Variants in RBFOX1 observed in about 807,000 individuals in gnomAD.
RBFOX1 encodes RNA binding protein fox-1 homolog 1.
RBFOX1 carries 8 observed loss-of-function variants against 57.7 expected under a neutral mutation model. The observed-to-expected ratio is 0.14, with a 90% CI of 0.08 to 0.25. The LOEUF (loss-of-function observed/expected upper bound fraction) is 0.25, where lower values mean the gene tolerates loss of function less well. Among genes scored for constraint, RBFOX1 ranks in the 10% least tolerant of loss-of-function variants. The pLI is 1.00. For missense variants in RBFOX1, 611 were observed against 548.5 expected (o/e 1.11, Z -1.14); for synonymous variants, 326 against 222.4 (o/e 1.47, Z -4.15).
At chr16:6,657,278 C>T (rs569201760) in intron 3 of RBFOX1, among the ~76,000 whole-genome samples, 8 of 151,936 alleles carry the variant, frequency 5.3e-5, no homozygotes, top group South Asian at 2.1e-4. Flanking sequence ...CTTATACTCA[C>T]GCTATAGTTT....
At chr16:5,701,778 G>A (rs2051059057) in intron 3 of RBFOX1, among the ~76,000 whole-genome samples, 1 of 152,154 alleles carries the variant, frequency 6.6e-6, no homozygotes, top group African/African-American at 2.4e-5. Context: ...GGCATTTTTT[G>A]TCCGTGGCAT....
At chr16:5,515,666 G>C (rs1236878973) in intron 2 of RBFOX1, among the ~76,000 whole-genome samples, 2 of 152,152 alleles carry the variant, frequency 1.3e-5, no homozygotes, top group African/African-American at 4.8e-5. Flanking sequence ...ATTAATCTAA[G>C]GTTATTCTCA....
At chr16:5,834,626 A>G (rs2056393151) in intron 3 of RBFOX1, among the ~76,000 whole-genome samples, 1 of 152,080 alleles carries the variant, frequency 6.6e-6, no homozygotes, top group African/African-American at 2.4e-5. Context: ...AGATAGATTG[A>G]CTGATTTGTT....
chr16:7,207,621 G>C (rs1281542707), intron 4 of RBFOX1, among the ~76,000 whole-genome samples: 1 of 152,174 alleles, frequency 6.6e-6, no homozygotes, highest in Admixed American at 6.5e-5. Flanking sequence ...AGTGCTCCTT[G>C]CTGAGAACAG....
intron 10 of RBFOX1, among the ~76,000 whole-genome samples, chr16:7,607,742 C>A (rs888387069): frequency 1.3e-5 from 2 of 152,154 alleles, no homozygotes; most frequent in East Asian, 1.9e-4. Context: ...AGCAGAGAGT[C>A]GAGTTGGCTT....
chr16:7,004,186 G>T (rs551415278), intron 3 of RBFOX1: 12 of 152,110 alleles, frequency 7.9e-5, no homozygotes, highest in Admixed American at 6.6e-4. Flanking sequence ...ATGCATAGAA[G>T]AATCTGTAAT....
chr16:5,515,674 T>C (rs1365147614), intron 2 of RBFOX1, among the ~76,000 whole-genome samples: 1 of 152,216 alleles, frequency 6.6e-6, no homozygotes, highest in Non-Finnish European at 1.5e-5. Flanking sequence ...AAGGTTATTC[T>C]CATTAAAAAC....
rs529357868 is a variant in RBFOX1, at chr16:7,609,979, G to A, written c.676+2641G>A. On this transcript the variant is annotated intron_variant, in intron 10 of 15. Transcript: ENST00000550418. ...ACTACAGGTATCCGCCACCATGCCC[G>A]GCTAATTTTTGTATTTTTAGTGGAG... Among the ~76,000 whole-genome samples, 193 of 151,694 alleles carry A rather than the reference G, an allele frequency of 1.3e-3. 2 individuals are homozygous for A. The highest frequency in any genetic ancestry group is 4.4e-3 in the Admixed American group (67 of 15,220).
intron 5 of RBFOX1, chr16:7,519,691 C>T (rs1315585288): frequency 2.0e-6 from 2 of 985,174 alleles, no homozygotes; most frequent in African/African-American, 1.7e-5. Context: ...CCAATCCTGT[C>T]GTCTGGAACA....
chr16:5,982,161 C>T (rs988848317), intron 4 of RBFOX1, among the ~76,000 whole-genome samples: 2 of 152,168 alleles, frequency 1.3e-5, no homozygotes, highest in African/African-American at 4.8e-5. Context: ...CCTCTGACTG[C>T]ATCTCACCCT....
intron 1 of RBFOX1, among the ~76,000 whole-genome samples, chr16:6,304,035 C>T (rs2079151389): frequency 6.6e-6 from 1 of 151,214 alleles, no homozygotes. Context: ...TCGTCTTGAA[C>T]TCCTGACCTC....
chr16:5,468,763 T>C (rs1418091449), intron 2 of RBFOX1, among the ~76,000 whole-genome samples: 3 of 152,248 alleles, frequency 2.0e-5, no homozygotes, highest in Admixed American at 6.5e-5. Flanking sequence ...CACATTATGC[T>C]GTGTAGCTCC....
intron 3 of RBFOX1, among the ~76,000 whole-genome samples, chr16:6,801,394 T>C (rs1156436590): frequency 6.6e-6 from 1 of 152,120 alleles, no homozygotes; most frequent in Non-Finnish European, 1.5e-5. Flanking sequence ...TTATACTAGT[T>C]CCTTTCCCTT....
rs141377971 is a variant in RBFOX1 at position 6,731,492 on chromosome 16, A to G, written c.-16+76842A>G. On this transcript the variant is annotated intron_variant, in intron 3 of 15. Coordinates refer to ENST00000550418, the MANE Select transcript of RBFOX1 (RefSeq NM_018723.4). ...CTCTTGCAGAATTCTAGCTGCGAGT[A>G]TCTGTGTCTCAGTTCTTGAGAGTAT... 1.3e-4 allele frequency among the ~76,000 whole-genome samples: 20 copies of G among 152,262 alleles called. No individual in the cohort carries two copies. In the East Asian group the frequency reaches 2.9e-3, roughly 22 times the overall value.
At chr16:6,910,120 G>A (rs1217614604) in intron 3 of RBFOX1, among the ~76,000 whole-genome samples, 3 of 152,036 alleles carry the variant, frequency 2.0e-5, no homozygotes, top group Non-Finnish European at 4.4e-5. Flanking sequence ...TTGGTAGCGT[G>A]CAAAGAGATT....
intron 4 of RBFOX1, among the ~76,000 whole-genome samples, chr16:6,012,833 A>G (rs1040532851): frequency 5.9e-5 from 9 of 152,218 alleles, no homozygotes; most frequent in African/African-American, 1.7e-4. Flanking sequence ...ATGAGAAAAC[A>G]TCTGGAAGTA....
At chr16:6,953,140 G>A (rs1055225790) in intron 3 of RBFOX1, among the ~76,000 whole-genome samples, 3 of 152,074 alleles carry the variant, frequency 2.0e-5, no homozygotes, top group Admixed American at 2.0e-4. Flanking sequence ...GTGTATGTAT[G>A]CCTCTTTCCA....
At chr16:7,179,545 G>C (rs1379708175) in intron 4 of RBFOX1, among the ~76,000 whole-genome samples, 3 of 151,960 alleles carry the variant, frequency 2.0e-5, no homozygotes, top group Non-Finnish European at 4.4e-5. Context: ...TTAGGTGTTG[G>C]CATTTCCATT....
At chr16:5,899,038 T>G (rs2058239082) in intron 4 of RBFOX1, among the ~76,000 whole-genome samples, 1 of 151,566 alleles carries the variant, frequency 6.6e-6, no homozygotes, top group Non-Finnish European at 1.5e-5. Flanking sequence ...CTCACTGCTT[T>G]TAGTTTCAGA....
Sources: allele counts gnomAD v4.1 joint callset (sites outside exome capture counted in the v4.1 genomes callset), GRCh38; gene constraint gnomAD v4.1.1; transcripts MANE v1.5; gene names NCBI Gene and HGNC (gene_info 2026-07-23, HGNC 2026-07-21).